EPS8L1: variants seen among roughly 807,000 people sequenced by gnomAD.
EPS8L1 encodes the protein EPS8 signaling adaptor L1, also known as epidermal growth factor receptor kinase substrate 8-like protein 1.
In EPS8L1, 101 loss-of-function variants were observed where a neutral mutation model predicts 91.7. That is an observed-to-expected ratio of 1.10 (90% CI 0.94 to 1.30). The LOEUF (loss-of-function observed/expected upper bound fraction) is 1.30. Among genes scored for constraint, EPS8L1 ranks in the 50% most tolerant of loss-of-function variants. The pLI is 0.00. For missense variants in EPS8L1, 1,114 were observed against 1,017.0 expected, an observed-to-expected ratio of 1.10 and a Z score of -1.30; for synonymous variants, 506 against 445.3, an observed-to-expected ratio of 1.14 and a Z score of -1.72.
At position 55,087,702 on chromosome 19, in the gene EPS8L1, TG is replaced by T; in HGVS notation, c.*89del. On this transcript the variant is annotated 3_prime_UTR_variant, in exon 20 of 20. Transcript: ENST00000201647. ...TCCCCAATAGCGGAAGTCGATCTTC[TG>T]AAGGATGGCCAATCTGCTCCGGCCC... The T allele has an allele frequency of 7.1e-7, 1 of 1,400,770 alleles. No individual in the cohort carries two copies. Among genetic ancestry groups the T allele is most frequent in the Non-Finnish European group, 1.0e-6 (1 of 1,003,716 alleles). The allele number at this position is 1,400,770 out of a possible 1,614,324, so 86.8% of individuals were successfully genotyped here. A position where few individuals can be genotyped will look rare whatever the true frequency, so the allele number is the denominator to read the frequency against.
At position 55,087,643 on chromosome 19, in the gene EPS8L1, C is replaced by T. The variant is rs73932298; in HGVS notation, c.*29C>T. On this transcript the variant is annotated 3_prime_UTR_variant, in exon 20 of 20. Transcript: ENST00000201647. ...GCCAGGCGCCCTTCGCAAAGAGTGA[C>T]GAGGCCCCGTGGGAGAACGGACTCC... The T allele has an allele frequency of 1.8e-3, 2,966 of 1,611,272 alleles. 40 individuals carry two copies. In the African/African-American group the frequency reaches 0.033, roughly 18 times the overall value.
intron 16 of EPS8L1, 33 bp from the exon 17 acceptor site, chr19:55,086,359 C>T: frequency 6.3e-7 from 1 of 1,597,836 alleles, no homozygotes; most frequent in East Asian, 2.3e-5. Context: ...AGTCCTCTCC[C>T]TAACCCAGGT....
At position 55,081,075 on chromosome 19, in the gene EPS8L1, G is replaced by A; in HGVS notation, c.513-156G>A. On this transcript the variant is annotated intron_variant, in intron 7 of 19. Transcript: ENST00000201647. This position sits in a 1 kb window ranked among gnomAD's most constrained non-coding sequence, Gnocchi z 4.9. ...GCCCTCAGTTTCACTCTAGAGAGGT[G>A]CTATCCCTCCGTATATCGGATTTCT... 1 of 1,016,174 alleles carries A rather than the reference G, an allele frequency of 9.8e-7. No homozygotes were observed. Among genetic ancestry groups the A allele is most frequent in the Non-Finnish European group, 1.4e-6 (1 of 718,132 alleles). 62.9% of individuals were successfully genotyped at this position (1,016,174 alleles called of 1,614,324 possible).
In EPS8L1 at chr19:55,079,602, T is replaced by C. The variant is rs1602920543; in HGVS notation, c.118-88T>C. On this transcript the variant is annotated intron_variant, in intron 4 of 19. Coordinates refer to ENST00000201647, the MANE Select transcript of EPS8L1 (RefSeq NM_133180.3). ...CTTCCTGGAGGAGGTGTGGTTAGTC[T>C]CAGGCTGAAAGTCTGATTATTCTGG... is the stretch of plus-strand genomic sequence containing the variant. The C allele has an allele frequency of 4.7e-6, 7 of 1,492,704 alleles. No individual in the cohort carries two copies. In the East Asian group the frequency reaches 1.4e-4, roughly 30 times the overall value. 92.5% of individuals were successfully genotyped at this position (1,492,704 alleles called of 1,614,324 possible).
chr19:55,084,824 T>C (rs1183643446), intron 14 of EPS8L1, among the ~76,000 whole-genome samples: 1 of 152,140 alleles, frequency 6.6e-6, no homozygotes, highest in Non-Finnish European at 1.5e-5. Context: ...CCCGGAACAG[T>C]GAGAAGTCTG....
rs201274827 is a variant in EPS8L1, at chr19:55,079,673, T to C, written c.118-17T>C. 2 of 1,610,002 alleles carry C rather than the reference T, an allele frequency of 1.2e-6. No homozygotes were observed. Among genetic ancestry groups the C allele is most frequent in the Non-Finnish European group, 1.7e-6 (2 of 1,177,404 alleles). Reference sequence around the variant, plus strand: ...CATCATCTTGGGCCTCACTGCTTTCTCCATGGTCCGTACCAGCACCTGGTG... The same window carrying C: ...CATCATCTTGGGCCTCACTGCTTTCCCCATGGTCCGTACCAGCACCTGGTG... On this transcript the variant is annotated splice_polypyrimidine_tract_variant and intron_variant, in intron 4 of 19. Transcript: ENST00000201647.
rs371064022 is a variant in EPS8L1 at position 55,082,425 on chromosome 19, A to G, written c.1066-29A>G. ...TTCGACTTGTAGAAGGTGTGGCGGC[A>G]CAGCCTGCCCCTCCTGCTCCCCTGA... is the stretch of plus-strand genomic sequence containing the variant. On this transcript the variant is annotated intron_variant, in intron 11 of 19. Transcript: ENST00000201647. 5.6e-6 allele frequency: 9 copies of G among 1,611,140 alleles called. No homozygotes were observed. The African/African-American group carries it at 1.1e-4, about 19-fold the overall frequency.
At chr19:55,082,700 A>G (rs534062528) in intron 12 of EPS8L1, 98 bp downstream of exon 12, 111 of 1,207,506 alleles carry the variant, frequency 9.2e-5, no homozygotes, top group African/African-American at 6.3e-4. Flanking sequence ...GGACTAGGAG[A>G]GTAGGGAGGG....
At position 55,081,638 on chromosome 19, in the gene EPS8L1, T is replaced by G; in HGVS notation, c.775-135T>G. 2 of 1,260,614 alleles carry G rather than the reference T, an allele frequency of 1.6e-6. No individual in the cohort carries two copies. The highest frequency in any genetic ancestry group is 2.1e-6 in the Non-Finnish European group (2 of 930,476). The allele number at this position is 1,260,614 out of a possible 1,614,324, so 78.1% of individuals were successfully genotyped here. The stretch of plus-strand genomic sequence containing the variant: ...AGAGGGGCTGGGTCGGGGGCGGGGC[T>G]TGGTTGTGGGGCGTGGCCAGGTGTT... On this transcript the variant is annotated intron_variant, in intron 8 of 19. Coordinates refer to ENST00000201647, the MANE Select transcript of EPS8L1 (RefSeq NM_133180.3). This position sits in a 1 kb window ranked among gnomAD's most constrained non-coding sequence, Gnocchi z 4.9.
In EPS8L1 at chr19:55,082,522, C is replaced by G. The variant is rs552138714; in HGVS notation, c.1134C>G (p.Ala378=). 5.6e-6 allele frequency: 9 copies of G among 1,611,850 alleles called. No homozygotes were observed. The highest frequency in any genetic ancestry group is 1.3e-5 in the African/African-American group (1 of 75,008). ...SVRRPHLTSD[A]VALLRDNVTP... ...GGCGGCCGCATCTGACATCGGATGCCGTGGCGCTGCTGCGGGACAACGTCA... is the reference window on the plus strand; with the variant it reads ...GGCGGCCGCATCTGACATCGGATGCGGTGGCGCTGCTGCGGGACAACGTCA... Residue 378 remains alanine (A), a synonymous_variant, in exon 12 of 20, where the codon GCC becomes GCG. Transcript: ENST00000201647.
At chr19:55,085,741 C>T in intron 14 of EPS8L1, 100 bp from the exon 15 acceptor site, 3 of 1,390,958 alleles carry the variant, frequency 2.2e-6, no homozygotes, top group Admixed American at 4.4e-5. Flanking sequence ...CCCTGCTGTG[C>T]CCCCAGCTTG....
Position 55,078,993 on chromosome 19 carries a change from T to A in EPS8L1, c.59-6T>A. The A allele has an allele frequency of 6.2e-7, 1 of 1,613,794 alleles. No individual in the cohort carries two copies. Among genetic ancestry groups the A allele is most frequent in the Non-Finnish European group, 8.5e-7 (1 of 1,179,910 alleles). ...TCCCAGGCTCATTCTCTTTCTCCCCTGGCAGAGCAGAGGAAGCGTTACTCC... is the reference window on the plus strand; with the variant it reads ...TCCCAGGCTCATTCTCTTTCTCCCCAGGCAGAGCAGAGGAAGCGTTACTCC... On this transcript the variant is annotated splice_polypyrimidine_tract_variant and splice_region_variant and intron_variant, in intron 3 of 19. Coordinates refer to ENST00000201647, the MANE Select transcript of EPS8L1 (RefSeq NM_133180.3).
At position 55,086,422 on chromosome 19, in the gene EPS8L1, G is replaced by A; in HGVS notation, c.1681G>A (p.Ala561Thr). ...NSTPPPPPAP[A>T]PAPPPALARP... is the part of the protein sequence containing the mutation. ...CACTCCTCCTCCACCACCAGCCCCA[G>A]CCCCGGCCCCACCTCCAGCTCTGGC... Residue 561 changes from alanine (A) to threonine (T), a missense_variant, in exon 17 of 20, where the codon GCC becomes ACC. By Grantham distance (58) the Ala-to-Thr change is moderately conservative. Transcript: ENST00000201647. 1.3e-6 allele frequency: 2 copies of A among 1,559,710 alleles called. No individual in the cohort carries two copies. Among genetic ancestry groups the A allele is most frequent in the Non-Finnish European group, 1.7e-6 (2 of 1,150,816 alleles).
rs749335095 is a variant in EPS8L1 at position 55,080,812 on chromosome 19, A to G, written c.470A>G (p.Asn157Ser). ...IREDIQGALH[N>S]YRSGRGERRA... ...GAGGACATCCAGGGGGCTCTGCACA[A>G]TTACCGCTCGGGCCGCGGGGAGCGC... is the stretch of plus-strand genomic sequence containing the variant. The change falls in exon 7 of 20, where the codon AAT becomes AGT. Residue 157 changes from asparagine to serine, a missense_variant. By Grantham distance (46) the Asn-to-Ser change is conservative (BLOSUM62 1). Transcript: ENST00000201647. 11 of 1,611,842 alleles carry G rather than the reference A, an allele frequency of 6.8e-6. No homozygotes were observed. In the Admixed American group the frequency reaches 1.7e-4, roughly 25 times the overall value.
chr19:55,086,654 TG>T, intron 17 of EPS8L1, 59 bp from the exon 18 acceptor site: 1 of 734,758 alleles, frequency 1.4e-6, no homozygotes, highest in Non-Finnish European at 2.1e-6. Context: ...CCCCGCCCTC[TG>T]GCCCCAGGAC....
In EPS8L1 at chr19:55,081,715, C is replaced by A. The variant is rs1211598395; in HGVS notation, c.775-58C>A. The A allele has an allele frequency of 6.4e-7, 1 of 1,556,634 alleles. No individual in the cohort carries two copies. The highest frequency in any genetic ancestry group is 8.7e-7 in the Non-Finnish European group (1 of 1,149,666). On this transcript the variant is annotated intron_variant, in intron 8 of 19. Transcript: ENST00000201647. The surrounding 1 kb of genome is among the most constrained non-coding windows in gnomAD (Gnocchi z 4.9). ...GTATAGGTGCTCAGGTTCAGGGCTT[C>A]GACGGGGATGGTTTTGGAACTCGGG...
rs1310628072 is a variant in EPS8L1, at chr19:55,080,461, G to A, written c.429+183G>A. 1.9e-6 allele frequency: 3 copies of A among 1,612,850 alleles called. No homozygotes were observed. The Admixed American group carries it at 5.0e-5, about 27-fold the overall frequency. ...CAGTGGGGTTTGAGATTGGACCCAG[G>A]GTCAAGATAGAACATGAAGGTGGGA... is the stretch of plus-strand genomic sequence containing the variant. On this transcript the variant is annotated intron_variant, in intron 6 of 19. Coordinates refer to ENST00000201647, the MANE Select transcript of EPS8L1 (RefSeq NM_133180.3).
At position 55,081,452 on chromosome 19, in the gene EPS8L1, G is replaced by C. The variant is rs775513640; in HGVS notation, c.734G>C (p.Arg245Pro). The C allele has an allele frequency of 7.4e-5, 119 of 1,603,272 alleles. No homozygotes were observed. In the Middle Eastern group the frequency reaches 8.4e-4, roughly 11 times the overall value. Reference sequence around the variant, plus strand: ...TCGGCCTCCCCGGACCTGGGTCCCCGGGGTCCTGACCTGGCGGTTCTGCAG... The same window carrying C: ...TCGGCCTCCCCGGACCTGGGTCCCCCGGGTCCTGACCTGGCGGTTCTGCAG... The part of the protein sequence containing the change: ...ADSASPDLGP[R>P]GPDLAVLQAE... Residue 245 changes from arginine to proline, a missense_variant, in exon 8 of 20, where the codon CGG (arginine) becomes CCG (proline). Transcript: ENST00000201647. This position sits in a 1 kb window ranked among gnomAD's most constrained non-coding sequence, Gnocchi z 4.9.
intron 3 of EPS8L1, 120 bp downstream of exon 3, chr19:55,078,248 AG>A (rs1446852174): frequency 1.7e-6 from 1 of 590,082 alleles, no homozygotes; most frequent in African/African-American, 2.6e-5. Context: ...CAGAGGGAAG[AG>A]GTGCTGGGGG....
Sources: allele counts gnomAD v4.1 joint callset (sites outside exome capture counted in the v4.1 genomes callset), GRCh38; gene constraint gnomAD v4.1.1; non-coding constraint Gnocchi (gnomAD v3.1); transcripts MANE v1.5; gene names NCBI Gene and HGNC (gene_info 2026-07-23, HGNC 2026-07-21).